Variants in VDAC2 observed in about 807,000 individuals in gnomAD.
VDAC2 encodes the protein voltage dependent anion channel 2, also known as non-selective voltage-gated ion channel VDAC2.
VDAC2 carries 6 observed loss-of-function variants against 36.6 expected under a neutral mutation model. The ratio of observed to expected loss-of-function variants is 0.16; its 90% confidence interval spans 0.09 to 0.32. VDAC2 has a LOEUF of 0.32. VDAC2 is among the 10% of genes least tolerant of loss of function. VDAC2 has a pLI of 1.00. For missense variants in VDAC2, 247 were observed against 346.0 expected (o/e 0.71, Z 2.27); for synonymous variants, 109 against 123.8 (o/e 0.88, Z 0.79).
intron 1 of VDAC2, 80 bp from the exon 2 acceptor site, chr10:75,211,054 C>T (rs576020557): frequency 1.4e-4 from 188 of 1,334,884 alleles, no homozygotes; most frequent in Admixed American, 1.1e-3. Flanking sequence ...CGCTGCCCCG[C>T]GGCCCCTCGC....
intron 4 of VDAC2, among the ~76,000 whole-genome samples, chr10:75,216,331 G>A (rs903424241): frequency 2.6e-5 from 4 of 152,190 alleles, no homozygotes; most frequent in Admixed American, 6.5e-5. Flanking sequence ...ATATTAGATC[G>A]TTGGATAATC....
chr10:75,221,123 G>T (rs1299589370), intron 7 of VDAC2, 153 bp downstream of exon 7: 1 of 728,086 alleles, frequency 1.4e-6, no homozygotes, highest in African/African-American at 1.8e-5. Context: ...CCCCTTGAAA[G>T]TTTATAGTAG....
intron 2 of VDAC2, chr10:75,211,529 G>A (rs555498522): frequency 1.3e-6 from 2 of 1,547,902 alleles, no homozygotes; most frequent in African/African-American, 2.7e-5. Flanking sequence ...CCTCTTGTGA[G>A]AGCGCAAGGT....
chr10:75,211,000 C>G, intron 1 of VDAC2, 62 bp downstream of exon 1: 1 of 817,612 alleles, frequency 1.2e-6, no homozygotes, highest in Admixed American at 3.8e-5. Flanking sequence ...AAGCCGGAGG[C>G]CCGCGCCGGA....
At chr10:75,225,147 A>C (rs1482956038) in intron 8 of VDAC2, among the ~76,000 whole-genome samples, 5 of 152,214 alleles carry the variant, frequency 3.3e-5, no homozygotes, top group African/African-American at 9.6e-5. Flanking sequence ...ATGGAAAGTG[A>C]CTGGCCTGAG....
intron 4 of VDAC2, among the ~76,000 whole-genome samples, chr10:75,215,375 G>T (rs553843916): frequency 6.7e-6 from 1 of 148,520 alleles, no homozygotes; most frequent in Non-Finnish European, 1.5e-5. Context: ...TTTTTGAGAC[G>T]GAGTCTTGCA....
At chr10:75,211,954 T>A (rs552240580) in intron 2 of VDAC2, among the ~76,000 whole-genome samples, 1 of 152,240 alleles carries the variant, frequency 6.6e-6, no homozygotes, top group African/African-American at 2.4e-5. Flanking sequence ...ACTTGTCCAG[T>A]CCTAGGAAGT....
At chr10:75,219,396 A>G (rs755802031) in intron 6 of VDAC2, 40 bp downstream of exon 6, 23 of 1,494,476 alleles carry the variant, frequency 1.5e-5, no homozygotes, top group African/African-American at 1.4e-5. Context: ...ATTTAAAAGT[A>G]TTTCTCTTTT....
At chr10:75,212,367 T>A in intron 3 of VDAC2, 69 bp downstream of exon 3, 1 of 1,319,604 alleles carries the variant, frequency 7.6e-7, no homozygotes, top group Non-Finnish European at 1.1e-6. Context: ...CTTAGCGAAA[T>A]CAGATCAATC....
At position 75,224,336 on chromosome 10, in the gene VDAC2, C is replaced by CT. The variant is rs1372997258; in HGVS notation, c.735+1935dup. ...TGTTGTGAGAGAATAGTAGGAGAAA[C>CT]TGAGTTGGTTTTTTTCTGTATCCTC... On this transcript the variant is annotated intron_variant, in intron 8 of 9. Coordinates refer to ENST00000332211, the MANE Select transcript of VDAC2 (RefSeq NM_001391963.1). Among the ~76,000 whole-genome samples the CT allele has an allele frequency of 3.9e-5, 6 of 152,260 alleles. No individual in the cohort carries two copies. The East Asian group carries it at 1.2e-3, about 29-fold the overall frequency.
chr10:75,219,275 G>T, intron 5 of VDAC2, 29 bp from the exon 6 acceptor site: 1 of 1,569,816 alleles, frequency 6.4e-7, no homozygotes, highest in South Asian at 1.2e-5. Context: ...TTCAAAAAAA[G>T]AAAACAAATT....
chr10:75,223,390 T>A lies in VDAC2; in HGVS notation c.735+988T>A, dbSNP rs1324269290. On this transcript the variant is annotated intron_variant, in intron 8 of 9. Transcript: ENST00000332211. ...GATGTCTGTGGCATTTTAACAGATT[T>A]AATGTAAGTGGAAGAAGCTTCTCTC... Among the ~76,000 whole-genome samples, 6 of 152,360 alleles carry A rather than the reference T, an allele frequency of 3.9e-5. No homozygotes were observed. The South Asian group carries it at 1.2e-3, about 32-fold the overall frequency.
At chr10:75,214,936 A>C (rs1841551960) in intron 4 of VDAC2, among the ~76,000 whole-genome samples, 1 of 152,154 alleles carries the variant, frequency 6.6e-6, no homozygotes, top group African/African-American at 2.4e-5. Context: ...ACAGGGTCTC[A>C]CTCGGTTGCC....
chr10:75,212,147 A>G (rs1354775646), intron 2 of VDAC2, 83 bp from the exon 3 acceptor site: 4 of 1,211,506 alleles, frequency 3.3e-6, no homozygotes, highest in Non-Finnish European at 3.6e-6. Context: ...GAATTTTAAT[A>G]TCAGCAGTGG....
chr10:75,218,104 ATT>A, intron 4 of VDAC2: 1 of 386,822 alleles, frequency 2.6e-6, no homozygotes, highest in Non-Finnish European at 4.8e-6. Flanking sequence ...AAAAAAAAAA[ATT>A]CAGATAAGCC....
chr10:75,229,009 T>G (rs975838164), intron 8 of VDAC2, among the ~76,000 whole-genome samples: 1 of 152,182 alleles, frequency 6.6e-6, no homozygotes, highest in African/African-American at 2.4e-5. Context: ...GGGCCTGGAT[T>G]GGTACATGAT....
intron 3 of VDAC2, among the ~76,000 whole-genome samples, chr10:75,212,950 T>C (rs1201122223): frequency 2.6e-5 from 4 of 152,220 alleles, no homozygotes; most frequent in African/African-American, 4.8e-5. Context: ...TCTAGAGTTA[T>C]GAGCTTTTTC....
At chr10:75,214,425 A>G (rs1275467135) in intron 4 of VDAC2, among the ~76,000 whole-genome samples, 5 of 152,220 alleles carry the variant, frequency 3.3e-5, no homozygotes, top group African/African-American at 1.2e-4. Flanking sequence ...TCAGGAACTC[A>G]TTAATTTGAG....
chr10:75,223,821 A>G (rs1281647595), intron 8 of VDAC2, among the ~76,000 whole-genome samples: 1 of 152,084 alleles, frequency 6.6e-6, no homozygotes, highest in Non-Finnish European at 1.5e-5. Context: ...TAGTGGTTTA[A>G]TCAGTCATGC....
Sources: gnomAD v4.1 joint callset for allele counts (sites outside exome capture counted in the v4.1 genomes callset) on GRCh38, gnomAD v4.1.1 for gene constraint, MANE v1.5 for transcripts, NCBI Gene and HGNC (gene_info 2026-07-23, HGNC 2026-07-21) for gene names.